Variants in CFDP1 observed in about 807,000 individuals in gnomAD.
CFDP1 encodes the protein heterochromatin-stabilizing protein CFDP1.
A neutral mutation model predicts 40.1 loss-of-function variants in CFDP1; 31 were observed. That is an observed-to-expected ratio of 0.77 (90% CI 0.58 to 1.04). CFDP1 has a LOEUF of 1.04. CFDP1 is among the 50% of genes least tolerant of loss of function. The pLI is 0.00. For synonymous variants in CFDP1, 167 were observed against 120.0 expected, an observed-to-expected ratio of 1.39 and a Z score of -2.56; for missense variants, 423 against 343.4, an observed-to-expected ratio of 1.23 and a Z score of -1.83.
chr16:75,422,346 C>G (rs1435403649), intron 1 of CFDP1, among the ~76,000 whole-genome samples: 2 of 151,610 alleles, frequency 1.3e-5, no homozygotes, highest in East Asian at 3.9e-4. Flanking sequence ...CCACCTGCCT[C>G]GACCTCCCAA....
intron 1 of CFDP1, 125 bp downstream of exon 1, chr16:75,433,164 G>A (rs909584662): frequency 1.9e-5 from 16 of 829,120 alleles, no homozygotes; most frequent in Non-Finnish European, 3.0e-5. Context: ...GGGAGCGGAC[G>A]CTCGAGAACA....
chr16:75,391,862 G>A (rs1020374108), intron 5 of CFDP1, among the ~76,000 whole-genome samples: 5 of 151,866 alleles, frequency 3.3e-5, no homozygotes, highest in Non-Finnish European at 5.9e-5. Flanking sequence ...CCAGCTACTC[G>A]GGAGGCTGAG....
chr16:75,369,276 G>A (rs2078735915), intron 5 of CFDP1, among the ~76,000 whole-genome samples: 1 of 152,010 alleles, frequency 6.6e-6, no homozygotes, highest in East Asian at 1.9e-4. Context: ...TGCAGGCCAG[G>A]CGCAGTAGCT....
At chr16:75,345,831 T>C (rs192031465) in intron 5 of CFDP1, among the ~76,000 whole-genome samples, 1 of 152,298 alleles carries the variant, frequency 6.6e-6, no homozygotes, top group Admixed American at 6.5e-5. Context: ...CTGAAAACTT[T>C]GAAAAATGTT....
chr16:75,351,965 G>A (rs145062982), intron 5 of CFDP1, among the ~76,000 whole-genome samples: 7,654 of 135,100 alleles, frequency 0.057, 644 homozygotes, highest in African/African-American at 0.2. Context: ...CCAAGATTGC[G>A]CTACTGCACT....
At chr16:75,318,399 T>G (rs917043225) in intron 5 of CFDP1, among the ~76,000 whole-genome samples, 18 of 118,780 alleles carry the variant, frequency 1.5e-4, no homozygotes, top group African/African-American at 2.7e-4. Context: ...TGGCATGCTT[T>G]CTTTCTTTCT....
At chr16:75,368,066 G>A (rs1365590872) in intron 5 of CFDP1, among the ~76,000 whole-genome samples, 1 of 152,084 alleles carries the variant, frequency 6.6e-6, no homozygotes, top group Non-Finnish European at 1.5e-5. Context: ...ATCGCACCGT[G>A]CCCTCTGGCC....
rs2078414656 is a variant in CFDP1, at chr16:75,327,893, T to C, written c.651-22711A>G. 2.0e-5 allele frequency among the ~76,000 whole-genome samples: 3 copies of C among 152,114 alleles called. No homozygotes were observed. The South Asian group carries it at 6.2e-4, about 32-fold the overall frequency. The stretch of plus-strand genomic sequence containing the variant: ...TACCCGCCACCACACCTGGCTAATT[T>C]TTTTGCGTGTATTTTTAGTAGAGAT... On this transcript the variant is annotated intron_variant, in intron 5 of 6. Transcript: ENST00000283882.
intron 6 of CFDP1, among the ~76,000 whole-genome samples, chr16:75,303,503 A>C (rs866020682): frequency 1.6e-3 from 209 of 128,040 alleles, no homozygotes; most frequent in South Asian, 4.0e-3. Context: ...TAGAAATATG[A>C]CCCCCCCCAA....
At position 75,349,698 on chromosome 16, in the gene CFDP1, T is replaced by TATATATATAC. The variant is rs146824267; in HGVS notation, c.651-44517_651-44516insGTATATATAT. ...AAAAAAAAAAAAAAAAAAATATATA[T>TATATATATAC]ACATACATATATACGGTTGATTTTT... On this transcript the variant is annotated intron_variant, in intron 5 of 6. Coordinates refer to ENST00000283882, the MANE Select transcript of CFDP1 (RefSeq NM_006324.3). Among the ~76,000 whole-genome samples, 25 of 47,898 alleles carry TATATATATAC rather than the reference T, an allele frequency of 5.2e-4. 3 individuals carry two copies. The highest frequency in any genetic ancestry group is 2.4e-3 in the African/African-American group (22 of 9,170). The allele number at this position is 47,898 out of a possible 152,430, so 31.4% of individuals were successfully genotyped here.
intron 5 of CFDP1, among the ~76,000 whole-genome samples, chr16:75,386,648 C>T (rs1310903184): frequency 6.6e-6 from 1 of 152,150 alleles, no homozygotes; most frequent in East Asian, 1.9e-4. Flanking sequence ...TCACTTGAAC[C>T]TGGGAGGCGA....
At chr16:75,310,402 T>C (rs540479630) in intron 5 of CFDP1, among the ~76,000 whole-genome samples, 99 of 152,250 alleles carry the variant, frequency 6.5e-4, no homozygotes, top group African/African-American at 2.1e-3. Flanking sequence ...ACCAAGACCT[T>C]GATTAAGAAA....
At chr16:75,340,591 C>CAG (rs1479522789) in intron 5 of CFDP1, among the ~76,000 whole-genome samples, 1 of 151,928 alleles carries the variant, frequency 6.6e-6, no homozygotes, top group East Asian at 1.9e-4. Flanking sequence ...AATAAAAAAC[C>CAG]AGTTTTATTA....
At chr16:75,332,571 G>A (rs1439007236) in intron 5 of CFDP1, among the ~76,000 whole-genome samples, 1 of 151,942 alleles carries the variant, frequency 6.6e-6, no homozygotes, top group Non-Finnish European at 1.5e-5. Flanking sequence ...GGAGGCTGAA[G>A]TGGGAGTATC....
intron 5 of CFDP1, among the ~76,000 whole-genome samples, chr16:75,337,784 T>A (rs2078499787): frequency 6.6e-6 from 1 of 151,902 alleles, no homozygotes; most frequent in South Asian, 2.1e-4. Flanking sequence ...TCCAATCACC[T>A]CCCACCGGGC....
intron 5 of CFDP1, among the ~76,000 whole-genome samples, chr16:75,374,951 A>G (rs573713820): frequency 1.8e-4 from 28 of 152,276 alleles, no homozygotes; most frequent in African/African-American, 6.3e-4. Context: ...TGAACAGTGG[A>G]GACCTTACAA....
intron 1 of CFDP1, among the ~76,000 whole-genome samples, chr16:75,425,390 CAAAAA>C (rs34282121): frequency 7.1e-5 from 7 of 99,028 alleles, no homozygotes; most frequent in Admixed American, 2.4e-4. Flanking sequence ...CCATCCCCCT[CAAAAA>C]AAAAAAAAAA....
chr16:75,370,226 G>A (rs148722200), intron 5 of CFDP1, among the ~76,000 whole-genome samples: 3 of 151,796 alleles, frequency 2.0e-5, no homozygotes, highest in African/African-American at 7.3e-5. Context: ...CCAAGTAACT[G>A]GGATTACAGG....
intron 5 of CFDP1, among the ~76,000 whole-genome samples, chr16:75,323,544 G>A (rs2078380963): frequency 6.6e-6 from 1 of 151,932 alleles, no homozygotes; most frequent in Non-Finnish European, 1.5e-5. Flanking sequence ...ACTTGTGAAG[G>A]CCGAGGCAGG....
Sources: allele counts gnomAD v4.1 joint callset (sites outside exome capture counted in the v4.1 genomes callset), GRCh38; gene constraint gnomAD v4.1.1; transcripts MANE v1.5; gene names NCBI Gene and HGNC (gene_info 2026-07-23, HGNC 2026-07-21).